PRDM16: variants seen among roughly 807,000 people sequenced by gnomAD.
PRDM16 encodes the protein histone-lysine N-methyltransferase PRDM16.
Under a neutral mutation model 110.6 loss-of-function variants are expected in PRDM16, and 23 were observed. The observed-to-expected ratio is 0.21, with a 90% CI of 0.15 to 0.29. The LOEUF (loss-of-function observed/expected upper bound fraction) is 0.29. Ranked by LOEUF, PRDM16 falls within the 10% of genes least tolerant of loss-of-function variation. The probability of loss-of-function intolerance (pLI) is 1.00; values close to 1 mark genes in which losing one functional copy is unlikely to be tolerated. For missense variants in PRDM16, 1,615 were observed against 1,794.3 expected, an observed-to-expected ratio of 0.90 and a Z score of 1.81; for synonymous variants, 799 against 781.8, an observed-to-expected ratio of 1.02 and a Z score of -0.37.
At chr1:3,127,351 T>G (rs1643230286) in intron 1 of PRDM16, among the ~76,000 whole-genome samples, 1 of 152,212 alleles carries the variant, frequency 6.6e-6, no homozygotes, top group African/African-American at 2.4e-5. Context: ...CTTTTCTTGT[T>G]TGCTACATCT....
chr1:3,269,830 CAGTCCCAGAGGATGAA>C (rs1279476580), intron 3 of PRDM16, among the ~76,000 whole-genome samples: 8,833 of 95,236 alleles, frequency 0.093, 1,283 homozygotes, highest in African/African-American at 0.36. Context: ...GGGAGGAGGA[CAGTCCCAGAGGATGAA>C]AGTCCCAGAG....
At chr1:3,145,002 G>C (rs1424028500) in intron 1 of PRDM16, among the ~76,000 whole-genome samples, 2 of 152,146 alleles carry the variant, frequency 1.3e-5, no homozygotes, top group Non-Finnish European at 2.9e-5. Flanking sequence ...GAAATGCTGG[G>C]AGCAGCCTCA....
intron 1 of PRDM16, among the ~76,000 whole-genome samples, chr1:3,129,645 C>G (rs540760770): frequency 6.6e-6 from 1 of 152,272 alleles, no homozygotes; most frequent in East Asian, 1.9e-4. Flanking sequence ...CCAGGTCCTC[C>G]GCAGTTACGT....
At position 3,290,710 on chromosome 1, in the gene PRDM16, G is replaced by A. The variant is rs771237889; in HGVS notation, c.438+46573G>A. Among the ~76,000 whole-genome samples, 4 of 152,132 alleles carry A rather than the reference G, an allele frequency of 2.6e-5. No homozygotes were observed. Among genetic ancestry groups the A allele is most frequent in the Admixed American group, 6.5e-5 (1 of 15,280 alleles). ...GGAAACAACAGGGCTCCAGGGGGACGTGCAGGGAGTGGAAGAAACTCAAGC... is the reference window on the plus strand; with the variant it reads ...GGAAACAACAGGGCTCCAGGGGGACATGCAGGGAGTGGAAGAAACTCAAGC... On this transcript the variant is annotated intron_variant, in intron 3 of 16. Coordinates refer to ENST00000270722, the MANE Select transcript of PRDM16 (RefSeq NM_022114.4). This position sits in a 1 kb window ranked among gnomAD's most constrained non-coding sequence, Gnocchi z 4.8.
chr1:3,391,488 T>A (rs1643299641), intron 4 of PRDM16, among the ~76,000 whole-genome samples: 1 of 152,206 alleles, frequency 6.6e-6, no homozygotes, highest in Non-Finnish European at 1.5e-5. Flanking sequence ...TTAAGAATGA[T>A]CAAGGTAATT....
chr1:3,110,013 C>T (rs1290521567), intron 1 of PRDM16, among the ~76,000 whole-genome samples: 2 of 150,240 alleles, frequency 1.3e-5, no homozygotes, highest in African/African-American at 2.5e-5. Flanking sequence ...TGTGGGGACA[C>T]AGTGTCTGCG....
chr1:3,187,550 G>A lies in PRDM16; in HGVS notation c.387+1076G>A, dbSNP rs1569802481. ...CTGCCCCAACTCAGACAGGCCGTGG[G>A]GAGGTTCCTGTGGCCTCCAGCAGCC... On this transcript the variant is annotated intron_variant, in intron 2 of 16. Transcript: ENST00000270722. Among the ~76,000 whole-genome samples, 5 of 152,342 alleles carry A rather than the reference G, an allele frequency of 3.3e-5. 1 individual carries two copies. The highest frequency in any genetic ancestry group is 1.2e-4 in the African/African-American group (5 of 41,588).
chr1:3,416,244 C>T (rs561022562), intron 10 of PRDM16, among the ~76,000 whole-genome samples: 1 of 152,240 alleles, frequency 6.6e-6, no homozygotes, highest in Non-Finnish European at 1.5e-5. Flanking sequence ...GTAGAAAGCC[C>T]TCTGCTCCCT....
chr1:3,074,369 C>T (rs1334962744), intron 1 of PRDM16, among the ~76,000 whole-genome samples: 1 of 152,178 alleles, frequency 6.6e-6, no homozygotes, highest in African/African-American at 2.4e-5. Context: ...TCCCCTCCCC[C>T]ACAGAGCACC....
chr1:3,403,146 A>G lies in PRDM16; in HGVS notation c.884+148A>G, dbSNP rs189195695. The G allele has an allele frequency of 0.02, 15,227 of 765,738 alleles. 275 individuals are homozygous for G. Among genetic ancestry groups the G allele is most frequent in the Non-Finnish European group, 0.024 (11,019 of 455,670 alleles). The allele number at this position is 765,738 out of a possible 1,614,324, so 47.4% of individuals were successfully genotyped here. A position where few individuals can be genotyped will look rare whatever the true frequency, so the allele number is the denominator to read the frequency against. On this transcript the variant is annotated intron_variant, in intron 6 of 16. Transcript: ENST00000270722. ...TGTAGACAAAGGGCCCCCTGGTGGGACACACCCTGGGGATATGTGCCCCTT... is the reference window on the plus strand; with the variant it reads ...TGTAGACAAAGGGCCCCCTGGTGGGGCACACCCTGGGGATATGTGCCCCTT...
chr1:3,360,500 C>G (rs77805238), intron 3 of PRDM16, among the ~76,000 whole-genome samples: 54 of 152,216 alleles, frequency 3.5e-4, no homozygotes, highest in Non-Finnish European at 6.2e-4. Context: ...CAGCAGAGCC[C>G]GGTCCAAGTG....
At chr1:3,378,518 C>T (rs1643035826) in intron 3 of PRDM16, among the ~76,000 whole-genome samples, 2 of 152,140 alleles carry the variant, frequency 1.3e-5, no homozygotes, top group Non-Finnish European at 2.9e-5. Context: ...GTCCGGCAGC[C>T]TGGGCTGGGA....
At chr1:3,218,497 C>T (rs1322799874) in intron 2 of PRDM16, among the ~76,000 whole-genome samples, 3 of 152,252 alleles carry the variant, frequency 2.0e-5, no homozygotes, top group African/African-American at 2.4e-5. Flanking sequence ...CATACGCACA[C>T]GTGCACACAG....
intron 3 of PRDM16, among the ~76,000 whole-genome samples, chr1:3,330,870 C>T (rs1271577754): frequency 6.6e-6 from 1 of 152,258 alleles, no homozygotes; most frequent in Non-Finnish European, 1.5e-5. Flanking sequence ...CCCTCTGCCT[C>T]CAGCCAGAGA....
At chr1:3,196,541 G>A (rs566481898) in intron 2 of PRDM16, among the ~76,000 whole-genome samples, 1 of 152,364 alleles carries the variant, frequency 6.6e-6, no homozygotes, top group East Asian at 1.9e-4. Flanking sequence ...CCTGCCTGAA[G>A]CTGGGATTCT....
chr1:3,127,025 C>T (rs1643223695), intron 1 of PRDM16, among the ~76,000 whole-genome samples: 1 of 152,218 alleles, frequency 6.6e-6, no homozygotes, highest in Non-Finnish European at 1.5e-5. Flanking sequence ...CACACTCTGG[C>T]TCAGCCCAGC....
intron 4 of PRDM16, among the ~76,000 whole-genome samples, chr1:3,388,344 C>T (rs1311478203): frequency 6.6e-6 from 1 of 152,174 alleles, no homozygotes. Flanking sequence ...CACACACCCC[C>T]ACCTCTAATA....
intron 1 of PRDM16, among the ~76,000 whole-genome samples, chr1:3,092,997 C>T (rs1642312178): frequency 6.6e-6 from 1 of 152,154 alleles, no homozygotes; most frequent in African/African-American, 2.4e-5. Flanking sequence ...GAGGTGGCGT[C>T]CCACCTCTGT....
intron 3 of PRDM16, among the ~76,000 whole-genome samples, chr1:3,327,053 C>T (rs973203721): frequency 5.9e-5 from 9 of 152,242 alleles, no homozygotes; most frequent in African/African-American, 1.7e-4. Context: ...GGGAGCTCCT[C>T]GGTCAGCCCA....
Sources: gnomAD v4.1 joint callset for allele counts (sites outside exome capture counted in the v4.1 genomes callset) on GRCh38, gnomAD v4.1.1 for gene constraint, Gnocchi (gnomAD v3.1) non-coding constraint, MANE v1.5 for transcripts, NCBI Gene and HGNC (gene_info 2026-07-23, HGNC 2026-07-21) for gene names.